The following CACNA1C variants were observed in gnomAD, a reference collection of about 807,000 sequenced individuals.
CACNA1C encodes the protein calcium voltage-gated channel subunit alpha1 C, also known as voltage-dependent L-type calcium channel subunit alpha-1C.
Under a neutral mutation model 229.0 loss-of-function variants are expected in CACNA1C, and 30 were observed. That is an observed-to-expected ratio of 0.13 (90% confidence interval 0.10 to 0.18). The LOEUF is 0.18. CACNA1C is among the 10% of genes least tolerant of loss of function. The probability of loss-of-function intolerance (pLI) is 1.00; values close to 1 mark genes in which losing one functional copy is unlikely to be tolerated. For synonymous variants in CACNA1C, 1,114 were observed against 1,132.5 expected, an observed-to-expected ratio of 0.98 and a Z score of 0.33; for missense variants, 1,658 against 2,845.0, an observed-to-expected ratio of 0.58 and a Z score of 9.49.
At chr12:2,335,169 T>C (rs1174804641) in intron 3 of CACNA1C, among the ~76,000 whole-genome samples, 1 of 152,118 alleles carries the variant, frequency 6.6e-6, no homozygotes. Context: ...TGTGATCCCC[T>C]GTCTTCCCCC....
intron 42 of CACNA1C, chr12:2,681,912 G>T: frequency 8.7e-7 from 1 of 1,152,458 alleles, no homozygotes. Context: ...AAGAGGCCTT[G>T]GTCCAGAGCT....
chr12:2,414,045 G>A (rs1000927962), intron 3 of CACNA1C, among the ~76,000 whole-genome samples: 2 of 151,364 alleles, frequency 1.3e-5, no homozygotes, highest in African/African-American at 4.8e-5. Flanking sequence ...AGTGCAGAGA[G>A]AGTGGGATTC....
At chr12:2,449,196 G>A (rs921152071) in intron 4 of CACNA1C, 81 bp downstream of exon 4, 25 of 1,063,140 alleles carry the variant, frequency 2.4e-5, no homozygotes, top group Middle Eastern at 2.1e-4. Context: ...AGACAGGGTC[G>A]TTGTCAGACG....
chr12:2,461,856 C>A (rs1214932005), intron 5 of CACNA1C, among the ~76,000 whole-genome samples: 2 of 152,236 alleles, frequency 1.3e-5, no homozygotes, highest in African/African-American at 4.8e-5. Flanking sequence ...CGCCTCCGTC[C>A]TGGATGATGG....
At chr12:2,610,787 G>T in intron 28 of CACNA1C, 88 bp downstream of exon 28, 3 of 1,337,952 alleles carry the variant, frequency 2.2e-6, no homozygotes, top group East Asian at 4.7e-5. Context: ...AGGCAGCTCA[G>T]TGCATCGCTT....
intron 7 of CACNA1C, among the ~76,000 whole-genome samples, chr12:2,496,413 A>G (rs181853196): frequency 3.2e-4 from 48 of 152,330 alleles, no homozygotes; most frequent in Middle Eastern, 3.4e-3. Context: ...GAAACCCCAG[A>G]GCTCCATTCA....
chr12:2,478,823 A>G (rs1212863360), intron 5 of CACNA1C, among the ~76,000 whole-genome samples: 2 of 152,124 alleles, frequency 1.3e-5, no homozygotes, highest in Non-Finnish European at 2.9e-5. Flanking sequence ...TCCCATGGCA[A>G]TCAGCAGGGT....
chr12:2,033,987 G>T (rs1011447367), intron 1 of CACNA1C, among the ~76,000 whole-genome samples: 3 of 152,216 alleles, frequency 2.0e-5, no homozygotes, highest in Non-Finnish European at 4.4e-5. Flanking sequence ...CTGGCCTAGA[G>T]AAGCAAAGAT....
At chr12:2,244,241 C>A (rs77175673) in intron 3 of CACNA1C, among the ~76,000 whole-genome samples, 6,754 of 152,316 alleles carry the variant, frequency 0.044, 179 homozygotes, top group Middle Eastern at 0.068. Context: ...TGTGAAGGGG[C>A]CTTCGGCTCC....
At chr12:2,281,094 A>G (rs1393721166) in intron 3 of CACNA1C, among the ~76,000 whole-genome samples, 7 of 148,318 alleles carry the variant, frequency 4.7e-5, no homozygotes, top group Non-Finnish European at 1.0e-4. Context: ...GTATATCTCC[A>G]AATGCTCTCC....
Position 2,581,574 on chromosome 12 carries a change from TC to T in CACNA1C, c.1896-14del. On this transcript the variant is annotated splice_polypyrimidine_tract_variant and intron_variant, in intron 13 of 46. Transcript: ENST00000399655. ...GCAAGGGGCAGAGTGCTGACCTCCC[TC>T]CTGTTGGCTCTCAGGTACTGGAACT... 1 of 1,545,048 alleles carries T rather than the reference TC, an allele frequency of 6.5e-7. No homozygotes were observed. The highest frequency in any genetic ancestry group is 8.8e-7 in the Non-Finnish European group (1 of 1,142,370).
chr12:2,688,013 C>T (rs876503), intron 45 of CACNA1C, among the ~76,000 whole-genome samples: 16,913 of 152,280 alleles, frequency 0.11, 1,089 homozygotes, highest in East Asian at 0.25. Context: ...GACCTCATTG[C>T]GCTTGAGCCT....
rs758332410 is a variant in CACNA1C at position 2,004,495 on chromosome 12, G to A, written c.139+33294G>A. ...AGCCACTCTCAATAGATCGCAGAACGAGCGAGCTGCCTCGCAACCGAGAAC... is the reference window on the plus strand; with the variant it reads ...AGCCACTCTCAATAGATCGCAGAACAAGCGAGCTGCCTCGCAACCGAGAAC... On this transcript the variant is annotated intron_variant, in intron 1 of 46. Transcript: ENST00000682462. The A allele has an allele frequency of 7.9e-6, 12 of 1,525,884 alleles. No individual in the cohort carries two copies. The South Asian group carries it at 1.5e-4, about 19-fold the overall frequency. The allele number at this position is 1,525,884 out of a possible 1,614,324, so 94.5% of individuals were successfully genotyped here. A position where few individuals can be genotyped will look rare whatever the true frequency, so the allele number is the denominator to read the frequency against.
rs2099741395 is a variant in CACNA1C at position 2,493,926 on chromosome 12, G to A, written c.1113+540G>A. Among the ~76,000 whole-genome samples the A allele has an allele frequency of 6.6e-6, 1 of 152,062 alleles. No homozygotes were observed. Among genetic ancestry groups the A allele is most frequent in the South Asian group, 2.1e-4 (1 of 4,812 alleles). On this transcript the variant is annotated intron_variant, in intron 7 of 46. Transcript: ENST00000399655. This position sits in a 1 kb window ranked among gnomAD's most constrained non-coding sequence, Gnocchi z 4.6. ...ACTCTTACCTTAACATATTAGAATAGTCCATCAGACAAATGCATTGGCAGC... is the reference window on the plus strand; with the variant it reads ...ACTCTTACCTTAACATATTAGAATAATCCATCAGACAAATGCATTGGCAGC...
chr12:2,041,267 A>ATTTTT (rs2050023838), intron 1 of CACNA1C, among the ~76,000 whole-genome samples: 31 of 99,360 alleles, frequency 3.1e-4, no homozygotes, highest in Middle Eastern at 5.8e-3. Flanking sequence ...TGCTAAGGGT[A>ATTTTT]TTCTTTTTTT....
intron 3 of CACNA1C, among the ~76,000 whole-genome samples, chr12:2,258,352 T>A (rs2078769722): frequency 6.6e-6 from 1 of 152,232 alleles, no homozygotes. Context: ...ACTGTGTGTT[T>A]TTGGTTGGTA....
chr12:2,461,588 G>A (rs186957106), intron 5 of CACNA1C, among the ~76,000 whole-genome samples: 5 of 152,208 alleles, frequency 3.3e-5, no homozygotes, highest in East Asian at 3.9e-4. Context: ...TGCCGACTCC[G>A]TTCCTCTCCT....
rs561730431 is a variant in CACNA1C, at chr12:2,685,849, G to T, written c.5680+7G>T. 1.9e-6 allele frequency: 3 copies of T among 1,592,356 alleles called. No homozygotes were observed. Among genetic ancestry groups the T allele is most frequent in the South Asian group, 2.2e-5 (2 of 90,618 alleles). On this transcript the variant is annotated splice_region_variant and intron_variant, in intron 44 of 46. Coordinates refer to ENST00000399655, the MANE Select transcript of CACNA1C (RefSeq NM_000719.7). ...CTCCGCTCTGCCTCACTAGGTAAATGCACCGCTCGCTCTCTGGATGTGGTC... is the reference window on the plus strand; with the variant it reads ...CTCCGCTCTGCCTCACTAGGTAAATTCACCGCTCGCTCTCTGGATGTGGTC...
intron 3 of CACNA1C, among the ~76,000 whole-genome samples, chr12:2,428,729 A>T (rs990109289): frequency 2.0e-5 from 3 of 152,148 alleles, no homozygotes; most frequent in African/African-American, 7.2e-5. Context: ...TTCCTTAAAG[A>T]CATGAGAGAA....
Sources: allele counts gnomAD v4.1 joint callset (sites outside exome capture counted in the v4.1 genomes callset), GRCh38; gene constraint gnomAD v4.1.1; non-coding constraint Gnocchi (gnomAD v3.1); transcripts MANE v1.5; gene names NCBI Gene and HGNC (gene_info 2026-07-23, HGNC 2026-07-21).